CDH19: variants seen among roughly 807,000 people sequenced by gnomAD.
CDH19 encodes cadherin-19.
CDH19 carries 67 observed loss-of-function variants against 64.2 expected under a neutral mutation model. That is an observed-to-expected ratio of 1.04 (90% CI 0.86 to 1.28). The LOEUF is 1.28. Ranked by LOEUF, CDH19 falls within the 50% of genes most tolerant of loss-of-function variation. The probability of loss-of-function intolerance (pLI) is 0.00; values close to 1 mark genes in which losing one functional copy is unlikely to be tolerated. For missense variants in CDH19, 1,030 were observed against 929.0 expected (o/e 1.11, Z -1.41); for synonymous variants, 346 against 319.3 (o/e 1.08, Z -0.89).
At chr18:66,540,310 T>C (rs1598995099) in intron 7 of CDH19, among the ~76,000 whole-genome samples, 1 of 152,240 alleles carries the variant, frequency 6.6e-6, no homozygotes, top group Non-Finnish European at 1.5e-5. Flanking sequence ...TACAAAATAT[T>C]TCAAAGTTTG....
At chr18:66,558,749 A>G (rs1987612688) in intron 3 of CDH19, among the ~76,000 whole-genome samples, 1 of 152,092 alleles carries the variant, frequency 6.6e-6, no homozygotes, top group South Asian at 2.1e-4. Context: ...GAAATGATCA[A>G]TTGTCTTATA....
In CDH19 at chr18:66,544,116, T is replaced by C. The variant is rs1185209298; in HGVS notation, c.1069A>G (p.Ile357Val). 13 of 1,613,986 alleles carry C rather than the reference T, an allele frequency of 8.1e-6. No individual in the cohort carries two copies. The highest frequency in any genetic ancestry group is 1.1e-5 in the Non-Finnish European group (13 of 1,179,938). ...KYHTEASTTF[I>V]KIQVEDVDEP... ...TCAACATCTTCCACCTGGATCTTAA[T>C]GAAAGTGGTGGAAGCCTCAGTGTGG... is the stretch of plus-strand genomic sequence containing the variant. Residue 357 changes from isoleucine to valine, a missense_variant, in exon 7 of 12, where the codon ATT becomes GTT. Physicochemically the swap from Ile to Val is conservative, Grantham distance 29 (BLOSUM62 3). Coordinates refer to ENST00000262150, the MANE Select transcript of CDH19 (RefSeq NM_021153.4).
chr18:66,597,128 C>A (rs1988917963), intron 1 of CDH19, among the ~76,000 whole-genome samples: 4 of 90,090 alleles, frequency 4.4e-5, no homozygotes, highest in Non-Finnish European at 7.2e-5. Flanking sequence ...CAGGAAACCA[C>A]AAAAGAGCCC....
At chr18:66,603,292 A>T (rs943631307) in intron 1 of CDH19, among the ~76,000 whole-genome samples, 60 of 151,152 alleles carry the variant, frequency 4.0e-4, no homozygotes, top group African/African-American at 1.4e-3. Flanking sequence ...TGTCTTTTAC[A>T]GTATGCATTT....
At chr18:66,558,555 A>G (rs1180400562) in intron 3 of CDH19, among the ~76,000 whole-genome samples, 3 of 152,038 alleles carry the variant, frequency 2.0e-5, no homozygotes, top group South Asian at 4.1e-4. Flanking sequence ...CACAATAATA[A>G]TTAAATATAA....
chr18:66,588,637 T>C (rs934618947), intron 1 of CDH19, among the ~76,000 whole-genome samples: 5 of 143,740 alleles, frequency 3.5e-5, no homozygotes, highest in Admixed American at 7.0e-5. Context: ...TATATATATA[T>C]AGATACAGCT....
intron 9 of CDH19, among the ~76,000 whole-genome samples, chr18:66,515,398 C>A (rs900757995): frequency 2.6e-5 from 4 of 151,680 alleles, no homozygotes; most frequent in Non-Finnish European, 5.9e-5. Context: ...AGGTGTTGAA[C>A]ATCTGTTCAA....
intron 9 of CDH19, among the ~76,000 whole-genome samples, chr18:66,527,623 G>A (rs185482178): frequency 6.6e-6 from 1 of 151,906 alleles, no homozygotes; most frequent in Non-Finnish European, 1.5e-5. Context: ...GGTGGCGTGC[G>A]CCTGTCATCT....
intron 1 of CDH19, among the ~76,000 whole-genome samples, chr18:66,577,265 G>A (rs559061898): frequency 5.3e-5 from 8 of 151,768 alleles, no homozygotes; most frequent in Non-Finnish European, 1.0e-4. Flanking sequence ...GCAAAAGCAT[G>A]GGGCTTAGAA....
rs373227615 is a variant in CDH19 at position 66,529,847 on chromosome 18, G to C, written c.1456C>G (p.Gln486Glu). 4 of 1,587,528 alleles carry C rather than the reference G, an allele frequency of 2.5e-6. No homozygotes were observed. Among genetic ancestry groups the C allele is most frequent in the Non-Finnish European group, 3.4e-6 (4 of 1,165,110 alleles). ...TGTAATTTATAATGAGTCCTTACCT[G>C]ACCAGAGCCTGCATTTTCACAAACA... ...TYVCENAGSG[Q>E]VIQTISAVDR... The change falls in exon 9 of 12, where the codon CAG (glutamine) becomes GAG (glutamate). Residue 486 changes from glutamine (Q) to glutamate (E), a missense_variant and splice_region_variant. By Grantham distance (29) the Gln-to-Glu change is conservative (BLOSUM62 2). Coordinates refer to ENST00000262150, the MANE Select transcript of CDH19 (RefSeq NM_021153.4).
intron 3 of CDH19, among the ~76,000 whole-genome samples, chr18:66,566,280 C>A (rs371069231): frequency 8.3e-6 from 1 of 120,792 alleles, no homozygotes; most frequent in Non-Finnish European, 1.8e-5. Context: ...ATGACCCTTT[C>A]TTTTTTTTTT....
At chr18:66,527,092 T>C (rs1336926441) in intron 9 of CDH19, among the ~76,000 whole-genome samples, 1 of 151,300 alleles carries the variant, frequency 6.6e-6, no homozygotes, top group Admixed American at 6.6e-5. Context: ...TATATGTGTA[T>C]GGCAAGCTTA....
At chr18:66,538,509 AT>A (rs899086739) in intron 7 of CDH19, among the ~76,000 whole-genome samples, 14 of 151,584 alleles carry the variant, frequency 9.2e-5, no homozygotes, top group African/African-American at 2.9e-4. Flanking sequence ...TTGTTTGTTC[AT>A]TTTTTTTAAT....
chr18:66,522,857 T>C lies in CDH19; in HGVS notation c.1458+6988A>G, dbSNP rs576941699. ...AACTAATGTTGAACTATATGTAAGATTGTCTGTAGCAATTTGATAGAAATA... is the reference window on the plus strand; with the variant it reads ...AACTAATGTTGAACTATATGTAAGACTGTCTGTAGCAATTTGATAGAAATA... On this transcript the variant is annotated intron_variant, in intron 9 of 11. Coordinates refer to ENST00000262150, the MANE Select transcript of CDH19 (RefSeq NM_021153.4). 2.8e-4 allele frequency among the ~76,000 whole-genome samples: 43 copies of C among 151,864 alleles called. No individual in the cohort carries two copies. The East Asian group carries it at 8.1e-3, about 29-fold the overall frequency.
At chr18:66,558,154 C>G (rs1987588800) in intron 3 of CDH19, among the ~76,000 whole-genome samples, 1 of 143,456 alleles carries the variant, frequency 7.0e-6, no homozygotes. Context: ...AATCATATAT[C>G]TTTATCTCAT....
intron 2 of CDH19, among the ~76,000 whole-genome samples, chr18:66,569,626 T>C (rs1988036225): frequency 6.6e-6 from 1 of 151,732 alleles, no homozygotes; most frequent in Non-Finnish European, 1.5e-5. Context: ...TGAGGTATTA[T>C]TTAGAATTTT....
rs561442116 is a variant in CDH19 at position 66,513,207 on chromosome 18, G to A, written c.1459-1522C>T. On this transcript the variant is annotated intron_variant, in intron 9 of 11. Transcript: ENST00000262150. ...TTCTGTATTAAACATGAGCATCTGA[G>A]TAAATGTTGCAAATGTCTCCCTTTG... Among the ~76,000 whole-genome samples, 57 of 151,628 alleles carry A rather than the reference G, an allele frequency of 3.8e-4. 1 individual carries two copies. The highest frequency in any genetic ancestry group is 1.7e-3 in the Admixed American group (26 of 15,190).
At chr18:66,593,058 C>G (rs1465550222) in intron 1 of CDH19, among the ~76,000 whole-genome samples, 2 of 151,754 alleles carry the variant, frequency 1.3e-5, no homozygotes, top group African/African-American at 2.4e-5. Flanking sequence ...ACATTCACAA[C>G]AGTATTTTTT....
intron 9 of CDH19, among the ~76,000 whole-genome samples, chr18:66,518,702 G>A (rs1985847287): frequency 6.6e-6 from 1 of 152,090 alleles, no homozygotes; most frequent in South Asian, 2.1e-4. Context: ...TAAATAACAT[G>A]AAAATTAACT....
Sources: gnomAD v4.1 joint callset for allele counts (sites outside exome capture counted in the v4.1 genomes callset) on GRCh38, gnomAD v4.1.1 for gene constraint, MANE v1.5 for transcripts, NCBI Gene and HGNC (gene_info 2026-07-23, HGNC 2026-07-21) for gene names.